ZDHHC14: variants seen among roughly 807,000 people sequenced by gnomAD.
ZDHHC14 encodes the protein zDHHC palmitoyltransferase 14.
Under a neutral mutation model 47.7 loss-of-function variants are expected in ZDHHC14, and 16 were observed. The ratio of observed to expected loss-of-function variants is 0.34; its 90% confidence interval spans 0.23 to 0.51. The LOEUF is 0.51. Ranked by LOEUF, ZDHHC14 falls within the 20% of genes least tolerant of loss-of-function variation. The pLI is 0.97. For synonymous variants in ZDHHC14, 293 were observed against 278.9 expected (o/e 1.05, Z -0.50); for missense variants, 515 against 662.5 (o/e 0.78, Z 2.44).
intron 2 of ZDHHC14, among the ~76,000 whole-genome samples, chr6:157,579,190 G>GT (rs1187065924): frequency 0.068 from 4,308 of 63,822 alleles, 1,436 homozygotes; most frequent in African/African-American, 0.17. Context: ...TTGATTCTGT[G>GT]TTTTTTTTTT....
chr6:157,652,895 G>A (rs1777905297), intron 7 of ZDHHC14, among the ~76,000 whole-genome samples: 1 of 152,190 alleles, frequency 6.6e-6, no homozygotes, highest in Admixed American at 6.5e-5. Flanking sequence ...CGATGTATGG[G>A]GCTGAGAATC....
chr6:157,416,148 G>C (rs1051521242), intron 1 of ZDHHC14, among the ~76,000 whole-genome samples: 2 of 152,132 alleles, frequency 1.3e-5, no homozygotes, highest in African/African-American at 4.8e-5. Context: ...GAGCACATGT[G>C]TGCATTTGGA....
intron 3 of ZDHHC14, 30 bp from the exon 4 acceptor site, chr6:157,628,319 C>CTT (rs66974557): frequency 2.2e-3 from 3,160 of 1,415,372 alleles, no homozygotes; most frequent in Admixed American, 4.0e-3. Context: ...TTGATTTCCA[C>CTT]TTTTTTTTTT....
intron 1 of ZDHHC14, among the ~76,000 whole-genome samples, chr6:157,401,485 C>G (rs771710308): frequency 1.3e-5 from 2 of 152,236 alleles, no homozygotes; most frequent in Non-Finnish European, 2.9e-5. Context: ...TGCGCACCTG[C>G]TGAGGTCACC....
At chr6:157,654,527 C>T (rs891460) in intron 8 of ZDHHC14, among the ~76,000 whole-genome samples, 4,601 of 152,112 alleles carry the variant, frequency 0.03, 157 homozygotes, top group African/African-American at 0.082. Context: ...GTAGACTGGA[C>T]GTGGGCAGCA....
intron 1 of ZDHHC14, among the ~76,000 whole-genome samples, chr6:157,525,060 C>T (rs569270302): frequency 1.6e-4 from 25 of 152,324 alleles, no homozygotes; most frequent in African/African-American, 4.6e-4. Context: ...AGACTGGGCC[C>T]GGGGAGGATT....
chr6:157,643,295 G>C (rs527361795), intron 5 of ZDHHC14, among the ~76,000 whole-genome samples: 2 of 152,272 alleles, frequency 1.3e-5, no homozygotes, highest in South Asian at 2.1e-4. Context: ...ATGTCATTTT[G>C]ACACAGCTGC....
chr6:157,621,395 C>T (rs1327471095), intron 3 of ZDHHC14, among the ~76,000 whole-genome samples: 1 of 152,258 alleles, frequency 6.6e-6, no homozygotes, highest in African/African-American at 2.4e-5. Flanking sequence ...CCTTTAAAAA[C>T]ATGCGACTTA....
At chr6:157,584,664 T>A (rs1169694881) in intron 2 of ZDHHC14, among the ~76,000 whole-genome samples, 1 of 152,164 alleles carries the variant, frequency 6.6e-6, no homozygotes, top group East Asian at 1.9e-4. Context: ...GAATTCTGTG[T>A]GAAACAATTG....
At chr6:157,558,474 C>T (rs1782570376) in intron 2 of ZDHHC14, among the ~76,000 whole-genome samples, 1 of 152,134 alleles carries the variant, frequency 6.6e-6, no homozygotes, top group African/African-American at 2.4e-5. Context: ...CCAGCTGTTA[C>T]CAAGTCTAGA....
intron 1 of ZDHHC14, among the ~76,000 whole-genome samples, chr6:157,532,070 G>A (rs187792560): frequency 3.8e-4 from 58 of 152,354 alleles, no homozygotes; most frequent in African/African-American, 1.3e-3. Flanking sequence ...AAGCACTGGG[G>A]AAGGAGCCGC....
intron 1 of ZDHHC14, among the ~76,000 whole-genome samples, chr6:157,541,349 C>G (rs1781758483): frequency 1.3e-5 from 2 of 152,138 alleles, no homozygotes; most frequent in African/African-American, 4.8e-5. Flanking sequence ...TTGTGGCTCT[C>G]AAGTCCCAGA....
intron 1 of ZDHHC14, among the ~76,000 whole-genome samples, chr6:157,428,731 G>A (rs1322511598): frequency 1.3e-5 from 2 of 151,458 alleles, no homozygotes; most frequent in African/African-American, 4.9e-5. Context: ...AAGTCTGATC[G>A]AGTCAATTAC....
chr6:157,567,501 C>T (rs1398690681), intron 2 of ZDHHC14, among the ~76,000 whole-genome samples: 2 of 152,162 alleles, frequency 1.3e-5, no homozygotes, highest in Non-Finnish European at 1.5e-5. Flanking sequence ...AACTGAAAAA[C>T]AGATCACAAC....
intron 3 of ZDHHC14, among the ~76,000 whole-genome samples, chr6:157,623,653 G>T (rs1026186369): frequency 6.6e-6 from 1 of 151,162 alleles, no homozygotes; most frequent in Non-Finnish European, 1.5e-5. Context: ...GGGTTCAAGC[G>T]GTTCTCCTGC....
chr6:157,559,999 A>G (rs1172097729), intron 2 of ZDHHC14, among the ~76,000 whole-genome samples: 1 of 152,234 alleles, frequency 6.6e-6, no homozygotes, highest in Non-Finnish European at 1.5e-5. Context: ...AGGAAGTAGA[A>G]GCAATTTCTA....
chr6:157,463,584 G>A lies in ZDHHC14; in HGVS notation c.246-79001G>A, dbSNP rs964658263. ...GAATGTAAGACAGCAGCTCCATCCA[G>A]TATTCCCACCTGAAGAAGGTCTTGC... On this transcript the variant is annotated intron_variant, in intron 1 of 8. Transcript: ENST00000359775. The surrounding 1 kb of genome is among the most constrained non-coding windows in gnomAD (Gnocchi z 4.4). 2.0e-5 allele frequency among the ~76,000 whole-genome samples: 3 copies of A among 152,160 alleles called. No individual in the cohort carries two copies. The highest frequency in any genetic ancestry group is 7.2e-5 in the African/African-American group (3 of 41,430).
intron 1 of ZDHHC14, among the ~76,000 whole-genome samples, chr6:157,486,882 G>A (rs1209801734): frequency 1.3e-5 from 2 of 152,222 alleles, no homozygotes; most frequent in African/African-American, 4.8e-5. Flanking sequence ...CATATGAGGT[G>A]AGGAGACGCA....
chr6:157,658,482 C>T (rs540635271), intron 8 of ZDHHC14, among the ~76,000 whole-genome samples: 2 of 152,276 alleles, frequency 1.3e-5, no homozygotes, highest in Admixed American at 6.5e-5. Flanking sequence ...CTCAGCTCCT[C>T]CTCTCCTCCC....
Sources: allele counts gnomAD v4.1 joint callset (sites outside exome capture counted in the v4.1 genomes callset), GRCh38; gene constraint gnomAD v4.1.1; non-coding constraint Gnocchi (gnomAD v3.1); transcripts MANE v1.5; gene names NCBI Gene and HGNC (gene_info 2026-07-23, HGNC 2026-07-21).